Variants in TEAD1 observed in about 807,000 individuals in gnomAD.
The protein encoded by TEAD1 is TEA domain transcription factor 1.
A neutral mutation model predicts 54.9 loss-of-function variants in TEAD1; 9 were observed. The observed-to-expected ratio is 0.16, with a 90% CI of 0.10 to 0.29. The LOEUF (loss-of-function observed/expected upper bound fraction) is 0.29. Among genes scored for constraint, TEAD1 ranks in the 10% least tolerant of loss-of-function variants. TEAD1 has a pLI of 1.00. For missense variants in TEAD1, 387 were observed against 535.9 expected (o/e 0.72, Z 2.74); for synonymous variants, 200 against 187.8 (o/e 1.07, Z -0.53).
intron 5 of TEAD1, 76 bp downstream of exon 5, chr11:12,864,976 C>A: frequency 6.6e-7 from 1 of 1,513,370 alleles, no homozygotes; most frequent in Non-Finnish European, 9.2e-7. Context: ...CTGGTGAATG[C>A]CTGGTGCTGG....
chr11:12,683,665 C>T (rs1009305949), intron 2 of TEAD1, among the ~76,000 whole-genome samples: 1 of 152,090 alleles, frequency 6.6e-6, no homozygotes, highest in South Asian at 2.1e-4. Flanking sequence ...GTGAAATATT[C>T]TCCTGAGTAA....
intron 2 of TEAD1, among the ~76,000 whole-genome samples, chr11:12,761,897 T>A (rs1945110323): frequency 6.6e-6 from 1 of 152,128 alleles, no homozygotes; most frequent in Non-Finnish European, 1.5e-5. Flanking sequence ...TGTTCAAGGG[T>A]AGACTGTGAC....
intron 3 of TEAD1, among the ~76,000 whole-genome samples, chr11:12,780,612 G>A (rs768818428): frequency 1.3e-5 from 2 of 152,102 alleles, no homozygotes; most frequent in Non-Finnish European, 2.9e-5. Flanking sequence ...ATTCATCATA[G>A]TGTGAAAAAG....
chr11:12,793,487 T>C (rs1945849015), intron 3 of TEAD1, among the ~76,000 whole-genome samples: 1 of 152,236 alleles, frequency 6.6e-6, no homozygotes, highest in Admixed American at 6.5e-5. Flanking sequence ...TGAGCTTAAA[T>C]AATGGTATAT....
chr11:12,716,311 A>G (rs1285732636), intron 2 of TEAD1, among the ~76,000 whole-genome samples: 1 of 151,120 alleles, frequency 6.6e-6, no homozygotes, highest in South Asian at 2.1e-4. Flanking sequence ...AGTGCAGCAG[A>G]GAGTGTGACT....
chr11:12,881,213 G>C (rs949022296), intron 7 of TEAD1, among the ~76,000 whole-genome samples, 162 bp downstream of exon 7: 3 of 152,176 alleles, frequency 2.0e-5, no homozygotes, highest in African/African-American at 7.2e-5. Context: ...TAGGCCCCTG[G>C]CAGGAAAGAG....
Position 12,770,588 on chromosome 11 carries a change from AC to A in TEAD1, c.202+6157del, listed in dbSNP as rs531320100. 9.9e-3 allele frequency among the ~76,000 whole-genome samples: 1,501 copies of A among 152,242 alleles called. 11 individuals carry two copies. The highest frequency in any genetic ancestry group is 0.015 in the Admixed American group (224 of 15,276). ...CGATCTTGATTATTCCTCAAAAACA[AC>A]CCAATAATATAGGTACTGTAATTAT... On this transcript the variant is annotated intron_variant, in intron 3 of 12. Transcript: ENST00000527636.
In TEAD1 at chr11:12,817,513, G is replaced by A. The variant is rs890765851; in HGVS notation, c.203-44737G>A. On this transcript the variant is annotated intron_variant, in intron 3 of 12. Transcript: ENST00000527636. Reference sequence around the variant, plus strand: ...ACCATCTATCACATTTAATGTATTCGGTGCCTGTGAGTGCCGACCTCTTCA... The same window carrying A: ...ACCATCTATCACATTTAATGTATTCAGTGCCTGTGAGTGCCGACCTCTTCA... Among the ~76,000 whole-genome samples, 3 of 151,894 alleles carry A rather than the reference G, an allele frequency of 2.0e-5. No individual in the cohort carries two copies. In the East Asian group the frequency reaches 5.8e-4, roughly 29 times the overall value.
At chr11:12,675,009 C>T (rs1372382682) in intron 1 of TEAD1, among the ~76,000 whole-genome samples, 175 bp downstream of exon 1, 1 of 148,126 alleles carries the variant, frequency 6.8e-6, no homozygotes, top group Non-Finnish European at 1.5e-5. Flanking sequence ...CCCGCGCCCC[C>T]TCCGAGGTGA....
intron 3 of TEAD1, among the ~76,000 whole-genome samples, chr11:12,853,651 G>T (rs904084025): frequency 6.6e-6 from 1 of 152,190 alleles, no homozygotes; most frequent in Non-Finnish European, 1.5e-5. Flanking sequence ...ACATAGCAGT[G>T]TTGTATTCAC....
At chr11:12,725,634 G>A (rs779422944) in intron 2 of TEAD1, among the ~76,000 whole-genome samples, 2 of 152,084 alleles carry the variant, frequency 1.3e-5, no homozygotes, top group Non-Finnish European at 2.9e-5. Context: ...TAAAAAATAT[G>A]TGAGTGAATA....
chr11:12,821,960 C>CTTTTT (rs1590184847), intron 3 of TEAD1, among the ~76,000 whole-genome samples: 1 of 38,310 alleles, frequency 2.6e-5, no homozygotes, highest in East Asian at 1.1e-3. Context: ...TTTCTCTTTT[C>CTTTTT]CTTTTTTTTT....
At chr11:12,838,390 G>A (rs1453176099) in intron 3 of TEAD1, among the ~76,000 whole-genome samples, 1 of 152,166 alleles carries the variant, frequency 6.6e-6, no homozygotes, top group Non-Finnish European at 1.5e-5. Context: ...CTTTTCGATT[G>A]TGTAATTGTG....
intron 3 of TEAD1, among the ~76,000 whole-genome samples, chr11:12,837,051 A>G (rs1025419212): frequency 3.3e-5 from 5 of 152,158 alleles, no homozygotes; most frequent in Admixed American, 3.3e-4. Context: ...ACTCATATAT[A>G]CCCTAGTGTA....
At chr11:12,753,726 C>A (rs780346643) in intron 2 of TEAD1, among the ~76,000 whole-genome samples, 1 of 152,088 alleles carries the variant, frequency 6.6e-6, no homozygotes, top group Non-Finnish European at 1.5e-5. Flanking sequence ...TTCAAGAAAG[C>A]GAGTTCTGAG....
At chr11:12,934,292 A>C (rs1261978206) in intron 12 of TEAD1, among the ~76,000 whole-genome samples, 3 of 152,190 alleles carry the variant, frequency 2.0e-5, no homozygotes, top group Non-Finnish European at 2.9e-5. Flanking sequence ...CAAGGACAAA[A>C]AAACCAAACA....
intron 10 of TEAD1, among the ~76,000 whole-genome samples, chr11:12,923,172 C>T (rs753195444): frequency 6.6e-6 from 1 of 152,248 alleles, no homozygotes; most frequent in Admixed American, 6.5e-5. Flanking sequence ...TGCCCTGTCA[C>T]TGTTCCAGGC....
At chr11:12,885,756 A>T (rs537365855) in intron 9 of TEAD1, among the ~76,000 whole-genome samples, 2 of 152,308 alleles carry the variant, frequency 1.3e-5, no homozygotes, top group African/African-American at 4.8e-5. Context: ...TGTGCTCTCC[A>T]GTTATGGACC....
intron 3 of TEAD1, among the ~76,000 whole-genome samples, chr11:12,771,546 C>T (rs1945311500): frequency 6.6e-6 from 1 of 152,054 alleles, no homozygotes; most frequent in Non-Finnish European, 1.5e-5. Context: ...GATGGTGGTA[C>T]TGTTAAGCGA....
Sources: gnomAD v4.1 joint callset for allele counts (sites outside exome capture counted in the v4.1 genomes callset) on GRCh38, gnomAD v4.1.1 for gene constraint, MANE v1.5 for transcripts, NCBI Gene and HGNC (gene_info 2026-07-23, HGNC 2026-07-21) for gene names.